MGAM: variants seen among roughly 807,000 people sequenced by gnomAD.
MGAM encodes the protein alpha-1,4-glucosidase.
In MGAM, 253 loss-of-function variants were observed where a neutral mutation model predicts 358.8. The observed-to-expected ratio is 0.71, with a 90% CI of 0.64 to 0.78. MGAM has a LOEUF of 0.78. Ranked by LOEUF, MGAM falls within the 30% of genes least tolerant of loss-of-function variation. The probability of loss-of-function intolerance (pLI) is 0.00; values close to 1 mark genes in which losing one functional copy is unlikely to be tolerated. For missense variants in MGAM, 3,080 were observed against 3,432.6 expected (o/e 0.90, Z 2.57); for synonymous variants, 1,105 against 1,227.1 (o/e 0.90, Z 2.08).
chr7:141,992,419 G>T (rs1554447518), upstream of MGAM, among the ~76,000 whole-genome samples: 1 of 152,016 alleles, frequency 6.6e-6, no homozygotes, highest in African/African-American at 2.4e-5. Context: ...AAATAAGGAG[G>T]CTATGCTTAG....
intron 27 of MGAM, among the ~76,000 whole-genome samples, chr7:142,055,136 G>A (rs1386437883): frequency 6.6e-6 from 1 of 152,190 alleles, no homozygotes; most frequent in Non-Finnish European, 1.5e-5. Context: ...TGTTTATGGG[G>A]TGCCTTCTCT....
chr7:141,999,219 A>G (rs954725942), intron 1 of MGAM, among the ~76,000 whole-genome samples: 1 of 152,168 alleles, frequency 6.6e-6, no homozygotes, highest in Non-Finnish European at 1.5e-5. Flanking sequence ...TCTTCCAGAG[A>G]TGTAGTTTAG....
chr7:142,099,802 A>C, intron 67 of MGAM, 65 bp downstream of exon 67: 1 of 1,580,450 alleles, frequency 6.3e-7, no homozygotes, highest in Non-Finnish European at 8.6e-7. Flanking sequence ...AATGAAGTCC[A>C]CCAAAATGTA....
At chr7:142,062,126 C>T (rs1812265454) in intron 34 of MGAM, among the ~76,000 whole-genome samples, 1 of 152,150 alleles carries the variant, frequency 6.6e-6, no homozygotes, top group South Asian at 2.1e-4. Context: ...TAATCTTATT[C>T]CTTCCTCCCC....
chr7:142,073,231 G>T (rs1330211187), intron 44 of MGAM, among the ~76,000 whole-genome samples: 1 of 145,870 alleles, frequency 6.9e-6, no homozygotes, highest in African/African-American at 2.4e-5. Flanking sequence ...ATTAATTTTT[G>T]TATCTCATTG....
chr7:142,041,860 TTTATATATATA>T (rs938908530), intron 21 of MGAM, among the ~76,000 whole-genome samples: 5 of 107,020 alleles, frequency 4.7e-5, no homozygotes, highest in African/African-American at 7.0e-5. Flanking sequence ...TTCTGGTCAT[TTTATATATATA>T]TTATATATAT....
intron 1 of MGAM, among the ~76,000 whole-genome samples, chr7:141,996,719 T>A (rs577804883): frequency 2.4e-4 from 36 of 152,270 alleles, no homozygotes; most frequent in African/African-American, 8.4e-4. Context: ...TCACTATGCT[T>A]ATGGGTTTGG....
At chr7:142,037,622 T>C (rs1450064287) in intron 18 of MGAM, among the ~76,000 whole-genome samples, 3 of 152,168 alleles carry the variant, frequency 2.0e-5, no homozygotes, top group Admixed American at 2.0e-4. Flanking sequence ...GCTCATGAAA[T>C]TTCTTGTTAA....
intron 24 of MGAM, 48 bp from the exon 25 acceptor site, chr7:142,052,246 G>C (rs1354018529): frequency 1.3e-6 from 2 of 1,501,408 alleles, no homozygotes; most frequent in Non-Finnish European, 1.8e-6. Flanking sequence ...GTCTTGCAAA[G>C]CCTGTCTCCT....
rs76671190 is a variant in MGAM at position 142,084,219 on chromosome 7, C to T, written c.6382-300C>T. The stretch of plus-strand genomic sequence containing the variant: ...GCCTAAGGTCTCACAGCTAGCAGGA[C>T]TGGAGCCTGTATCTAAGCCAGGCAT... On this transcript the variant is annotated intron_variant, in intron 53 of 70. Coordinates refer to ENST00000475668, the MANE Select transcript of MGAM (RefSeq NM_001365693.1). Among the ~76,000 whole-genome samples the T allele has an allele frequency of 5.0e-3, 731 of 146,130 alleles. 22 individuals carry two copies. Among genetic ancestry groups the T allele is most frequent in the African/African-American group, 0.017 (680 of 41,162 alleles).
At chr7:141,989,998 G>T (rs1393416437) in intron 2 of MGAM, among the ~76,000 whole-genome samples, 2 of 152,064 alleles carry the variant, frequency 1.3e-5, no homozygotes. Context: ...ATGCACACTG[G>T]GCCTCATCTG....
chr7:142,050,350 T>C (rs914795880), intron 23 of MGAM, 66 bp downstream of exon 23: 1 of 1,491,728 alleles, frequency 6.7e-7, no homozygotes, highest in African/African-American at 1.4e-5. Flanking sequence ...CATCTGTGCT[T>C]GTGTATATTG....
intron 66 of MGAM, among the ~76,000 whole-genome samples, chr7:142,099,166 G>C (rs933613169): frequency 6.6e-6 from 1 of 152,216 alleles, no homozygotes; most frequent in African/African-American, 2.4e-5. Context: ...ACAGAGTGGG[G>C]GTGAGGAGGT....
chr7:142,053,620 C>A (rs1232976120), intron 26 of MGAM, among the ~76,000 whole-genome samples: 1 of 152,068 alleles, frequency 6.6e-6, no homozygotes, highest in Non-Finnish European at 1.5e-5. Context: ...GTCTATTTTT[C>A]TATTAAACTA....
rs1808764236 is a variant in MGAM at position 142,041,982 on chromosome 7, AATATAATATATATATATTAT to A, written c.2498+1142_2498+1161del. Among the ~76,000 whole-genome samples the A allele has an allele frequency of 1.7e-3, 22 of 13,152 alleles. 1 individual carries two copies. The highest frequency in any genetic ancestry group is 3.0e-3 in the Non-Finnish European group (21 of 7,048). 8.6% of individuals were successfully genotyped at this position (13,152 alleles called of 152,430 possible). On this transcript the variant is annotated intron_variant, in intron 21 of 70. Coordinates refer to ENST00000475668, the MANE Select transcript of MGAM (RefSeq NM_001365693.1). ...TAATATATATATATTATATATATATAATATAATATATATATATTATATATATAATATAATATATATATATT... is the reference window on the plus strand; with the variant it reads ...TAATATATATATATTATATATATATAATATATAATATAATATATATATATT...
At chr7:142,050,658 A>G (rs751021546) in intron 23 of MGAM, 39 bp from the exon 24 acceptor site, 7 of 1,582,076 alleles carry the variant, frequency 4.4e-6, no homozygotes, top group South Asian at 1.1e-5. Context: ...GTGTATACTC[A>G]TATACCTTTA....
chr7:142,040,992 C>T (rs1808474416), intron 21 of MGAM, 146 bp downstream of exon 21: 3 of 963,574 alleles, frequency 3.1e-6, no homozygotes, highest in South Asian at 2.0e-5. Context: ...AGTCTCTTCC[C>T]TTGGGAGGCT....
rs1563226046 is a variant in MGAM at position 142,097,649 on chromosome 7, GGTAA to G, written c.7749+3_7749+6del. ...GAGCCCGCTGGTATGATTACTACACGGTAAGTTTTTCTGAATGTTTATACAACAC... is the reference window on the plus strand; with the variant it reads ...GAGCCCGCTGGTATGATTACTACACGGTTTTTCTGAATGTTTATACAACAC... On this transcript the variant is annotated splice_donor_variant and splice_donor_region_variant and intron_variant, in intron 66 of 70. Transcript: ENST00000475668. LOFTEE classifies it high-confidence loss of function. The G allele has an allele frequency of 6.2e-7, 1 of 1,605,030 alleles. No individual in the cohort carries two copies. Among genetic ancestry groups the G allele is most frequent in the Admixed American group, 1.7e-5 (1 of 60,000 alleles).
rs758986278 is a variant in MGAM, at chr7:142,085,754, T to C, written c.6508-79T>C. 7 of 1,438,600 alleles carry C rather than the reference T, an allele frequency of 4.9e-6. No homozygotes were observed. In the East Asian group the frequency reaches 1.7e-4, roughly 35 times the overall value. The allele number at this position is 1,438,600 out of a possible 1,614,324, so 89.1% of individuals were successfully genotyped here. ...CAAGAAGCTATCTGGAATTCCACCA[T>C]GGGTGGTGGAGGCTTGTTCTCCTAT... On this transcript the variant is annotated intron_variant, in intron 54 of 70. Transcript: ENST00000475668.
Sources: allele counts gnomAD v4.1 joint callset (sites outside exome capture counted in the v4.1 genomes callset), GRCh38; gene constraint gnomAD v4.1.1; transcripts MANE v1.5; gene names NCBI Gene and HGNC (gene_info 2026-07-23, HGNC 2026-07-21).